Variants in FHIT observed in about 807,000 individuals in gnomAD.
FHIT encodes fragile histidine triad diadenosine triphosphatase.
A neutral mutation model predicts 17.9 loss-of-function variants in FHIT; 19 were observed. The ratio of observed to expected loss-of-function variants is 1.06; its 90% CI spans 0.74 to 1.56. The LOEUF (loss-of-function observed/expected upper bound fraction) is 1.56. Ranked by LOEUF, FHIT falls within the 40% of genes most tolerant of loss-of-function variation. The pLI is 0.00. For missense variants in FHIT, 248 were observed against 189.2 expected, an observed-to-expected ratio of 1.31 and a Z score of -1.82; for synonymous variants, 81 against 69.7, an observed-to-expected ratio of 1.16 and a Z score of -0.81.
At chr3:60,081,451 G>C (rs1249128387) in intron 5 of FHIT, among the ~76,000 whole-genome samples, 2 of 152,030 alleles carry the variant, frequency 1.3e-5, no homozygotes, top group Non-Finnish European at 2.9e-5. Context: ...AAGGAAAACA[G>C]AGTGATCCTG....
At chr3:59,750,202 G>A (rs1700818728) in intron 9 of FHIT, 1 of 225,914 alleles carries the variant, frequency 4.4e-6, no homozygotes, top group Non-Finnish European at 8.8e-6. Context: ...TAATAAGTTT[G>A]AATCTTCTTA....
chr3:60,728,064 TGC>T (rs1328044397), intron 4 of FHIT, among the ~76,000 whole-genome samples: 1 of 152,158 alleles, frequency 6.6e-6, no homozygotes, highest in Non-Finnish European at 1.5e-5. Context: ...GGAAGGAAAA[TGC>T]CTATTTTGAT....
intron 4 of FHIT, among the ~76,000 whole-genome samples, chr3:60,656,346 C>T (rs1391508980): frequency 6.6e-6 from 1 of 152,150 alleles, no homozygotes; most frequent in African/African-American, 2.4e-5. Flanking sequence ...ATATAAGCTG[C>T]ATACTTTGCC....
At chr3:60,147,983 G>A (rs1010799683) in intron 5 of FHIT, among the ~76,000 whole-genome samples, 1 of 152,124 alleles carries the variant, frequency 6.6e-6, no homozygotes, top group South Asian at 2.1e-4. Flanking sequence ...CTGGTGAAGG[G>A]GTTTCCTCAC....
chr3:60,363,429 A>G (rs925828584), intron 5 of FHIT, among the ~76,000 whole-genome samples: 2 of 152,210 alleles, frequency 1.3e-5, no homozygotes. Context: ...CAATGTATTG[A>G]GCACATAACT....
intron 7 of FHIT, among the ~76,000 whole-genome samples, chr3:59,953,833 C>T (rs1482153078): frequency 6.6e-6 from 1 of 152,188 alleles, no homozygotes; most frequent in Non-Finnish European, 1.5e-5. Context: ...CATCCTGTAC[C>T]CCGAGTGTGT....
intron 5 of FHIT, among the ~76,000 whole-genome samples, chr3:60,292,439 C>T (rs932511215): frequency 1.3e-5 from 2 of 152,062 alleles, no homozygotes; most frequent in Non-Finnish European, 2.9e-5. Flanking sequence ...CAGGGGTGTC[C>T]TCCTAACTTG....
At chr3:60,036,478 C>T (rs1214584846) in intron 5 of FHIT, among the ~76,000 whole-genome samples, 1 of 152,128 alleles carries the variant, frequency 6.6e-6, no homozygotes, top group Non-Finnish European at 1.5e-5. Flanking sequence ...ATGAGAGTTT[C>T]ATCTCCAAAG....
chr3:60,115,437 G>A (rs757761306), intron 5 of FHIT, among the ~76,000 whole-genome samples: 11 of 152,032 alleles, frequency 7.2e-5, no homozygotes, highest in African/African-American at 1.2e-4. Flanking sequence ...AATTAACTAC[G>A]ATTTTAAATA....
intron 3 of FHIT, among the ~76,000 whole-genome samples, chr3:60,961,787 T>C (rs539928779): frequency 6.6e-5 from 10 of 152,328 alleles, no homozygotes; most frequent in African/African-American, 1.9e-4. Context: ...CATTGGCCTA[T>C]CTCTCTGTTT....
At chr3:60,447,483 G>T (rs2031421321) in intron 5 of FHIT, among the ~76,000 whole-genome samples, 1 of 152,008 alleles carries the variant, frequency 6.6e-6, no homozygotes, top group South Asian at 2.1e-4. Flanking sequence ...CTCATTCTTA[G>T]TTCAATGATC....
chr3:60,271,721 G>C (rs1018571979), intron 5 of FHIT, among the ~76,000 whole-genome samples: 2 of 152,132 alleles, frequency 1.3e-5, no homozygotes, highest in African/African-American at 2.4e-5. Context: ...GCATTCTGTT[G>C]TTGGTATTGA....
intron 8 of FHIT, among the ~76,000 whole-genome samples, chr3:59,891,619 C>A (rs1373946266): frequency 2.0e-5 from 3 of 152,200 alleles, no homozygotes; most frequent in Admixed American, 6.5e-5. Flanking sequence ...ATATTCTGAA[C>A]CTTGCTGACG....
At position 60,232,663 on chromosome 3, in the gene FHIT, G is replaced by C. The variant is rs1000036060; in HGVS notation, c.104-218511C>G. Among the ~76,000 whole-genome samples, 15 of 152,114 alleles carry C rather than the reference G, an allele frequency of 9.9e-5. 1 individual carries two copies. Among genetic ancestry groups the C allele is most frequent in the Non-Finnish European group, 2.9e-5 (2 of 68,030 alleles). On this transcript the variant is annotated intron_variant, in intron 5 of 9. Transcript: ENST00000492590. ...GATCAGCAAGTCAGTTCTGCCTCCA[G>C]GCATATCCCAAAGCTAAAATCTTAT...
chr3:59,942,006 G>C (rs2107270437), intron 7 of FHIT, among the ~76,000 whole-genome samples: 1 of 152,250 alleles, frequency 6.6e-6, no homozygotes, highest in Admixed American at 6.5e-5. Flanking sequence ...AATACAGTCA[G>C]TAAAATCTTC....
chr3:61,058,482 G>C (rs2034306067), intron 2 of FHIT, among the ~76,000 whole-genome samples: 1 of 152,162 alleles, frequency 6.6e-6, no homozygotes, highest in Admixed American at 6.5e-5. Context: ...TGTTGGAGGA[G>C]GGGCCTGGTG....
intron 5 of FHIT, among the ~76,000 whole-genome samples, chr3:60,396,266 G>T (rs1701435542): frequency 6.6e-6 from 1 of 152,142 alleles, no homozygotes; most frequent in African/African-American, 2.4e-5. Flanking sequence ...TTATATAGTT[G>T]ATGCACACTC....
chr3:60,208,444 T>C (rs569780803), intron 5 of FHIT, among the ~76,000 whole-genome samples: 1 of 152,294 alleles, frequency 6.6e-6, no homozygotes, highest in African/African-American at 2.4e-5. Context: ...GTCAAACTTT[T>C]CTAGGATGGC....
At chr3:59,956,402 G>A (rs891160086) in intron 7 of FHIT, among the ~76,000 whole-genome samples, 14 of 152,196 alleles carry the variant, frequency 9.2e-5, no homozygotes, top group African/African-American at 3.1e-4. Context: ...GGGCATGGTG[G>A]CTCACGCCTA....
Sources: allele counts gnomAD v4.1 joint callset (sites outside exome capture counted in the v4.1 genomes callset), GRCh38; gene constraint gnomAD v4.1.1; transcripts MANE v1.5; gene names NCBI Gene and HGNC (gene_info 2026-07-23, HGNC 2026-07-21).